FOCAD: variants seen among roughly 807,000 people sequenced by gnomAD.
FOCAD encodes the protein KIAA1797.
A neutral mutation model predicts 225.6 loss-of-function variants in FOCAD; 198 were observed. That is an observed-to-expected ratio of 0.88 (90% confidence interval 0.78 to 0.99). The LOEUF is 0.99. Ranked by LOEUF, FOCAD falls within the 50% of genes least tolerant of loss-of-function variation. FOCAD has a pLI of 0.00. For missense variants in FOCAD, 2,713 were observed against 2,123.6 expected, an observed-to-expected ratio of 1.28 and a Z score of -5.46; for synonymous variants, 897 against 755.0, an observed-to-expected ratio of 1.19 and a Z score of -3.08.
At chr9:20,985,932 G>C (rs1302796770) in intron 39 of FOCAD, among the ~76,000 whole-genome samples, 1 of 152,146 alleles carries the variant, frequency 6.6e-6, no homozygotes, top group Non-Finnish European at 1.5e-5. Flanking sequence ...ACCATACTTT[G>C]AAAACCACTG....
At chr9:20,865,060 GTTT>G (rs1029120338) in intron 16 of FOCAD, among the ~76,000 whole-genome samples, 5 of 152,040 alleles carry the variant, frequency 3.3e-5, no homozygotes, top group Admixed American at 6.6e-5. Flanking sequence ...CATATCCTTT[GTTT>G]TCGCATTATA....
intron 28 of FOCAD, among the ~76,000 whole-genome samples, chr9:20,934,387 G>A (rs977152215): frequency 3.3e-5 from 5 of 152,132 alleles, no homozygotes; most frequent in Admixed American, 2.0e-4. Context: ...TTTTGGATAA[G>A]GTGAGAGCTG....
chr9:20,845,807 G>T (rs754595599), intron 15 of FOCAD, among the ~76,000 whole-genome samples: 1 of 151,878 alleles, frequency 6.6e-6, no homozygotes, highest in Non-Finnish European at 1.5e-5. Flanking sequence ...GGAAAACATT[G>T]TTGACCATTG....
upstream of FOCAD, chr9:20,683,318 A>AT (rs1452266186): frequency 2.0e-5 from 3 of 152,080 alleles, 1 homozygote; most frequent in South Asian, 6.2e-4. Context: ...TTTTATTTTT[A>AT]TTTTTTCCTA....
At chr9:20,861,172 A>G (rs1828741228) in intron 15 of FOCAD, among the ~76,000 whole-genome samples, 1 of 152,202 alleles carries the variant, frequency 6.6e-6, no homozygotes, top group Non-Finnish European at 1.5e-5. Flanking sequence ...GTTTAAAGTC[A>G]TATCATATAC....
At chr9:20,717,001 T>C (rs758983167) in intron 2 of FOCAD, among the ~76,000 whole-genome samples, 1 of 152,228 alleles carries the variant, frequency 6.6e-6, no homozygotes, top group Non-Finnish European at 1.5e-5. Context: ...ATATGGTATG[T>C]TTTGTAAAAC....
chr9:20,977,970 T>A (rs2132599795), intron 36 of FOCAD, among the ~76,000 whole-genome samples: 1 of 152,320 alleles, frequency 6.6e-6, no homozygotes, highest in South Asian at 2.1e-4. Flanking sequence ...ATTCCACACC[T>A]TGATATATTT....
At chr9:20,670,767 G>C (rs1262345580) in intron 2 of FOCAD, among the ~76,000 whole-genome samples, 1 of 152,010 alleles carries the variant, frequency 6.6e-6, no homozygotes, top group Non-Finnish European at 1.5e-5. Context: ...ATTTGCCCAA[G>C]GTCACAGAGT....
chr9:20,820,777 T>A (rs1415675602), intron 13 of FOCAD, among the ~76,000 whole-genome samples, 164 bp from the exon 14 acceptor site: 1 of 152,098 alleles, frequency 6.6e-6, no homozygotes, highest in Non-Finnish European at 1.5e-5. Context: ...TATAAGAAAA[T>A]CCCCAGTAAT....
At chr9:20,749,876 G>GGATT (rs1453703502) in intron 5 of FOCAD, among the ~76,000 whole-genome samples, 1 of 152,004 alleles carries the variant, frequency 6.6e-6, no homozygotes, top group African/African-American at 2.4e-5. Context: ...ATTTCTATTA[G>GGATT]GATTGATGTG....
intron 15 of FOCAD, among the ~76,000 whole-genome samples, chr9:20,845,442 GAT>G (rs3086547): frequency 0.25 from 29,729 of 121,156 alleles, 3,917 homozygotes; most frequent in South Asian, 0.34. Context: ...TCTTTTCCTC[GAT>G]ATATATATAT....
At chr9:20,778,628 C>T (rs546491074) in intron 8 of FOCAD, 53 bp from the exon 9 acceptor site, 13 of 926,266 alleles carry the variant, frequency 1.4e-5, no homozygotes, top group African/African-American at 1.1e-4. Flanking sequence ...GTTACAAAGC[C>T]ATGATTCTGG....
intron 20 of FOCAD, among the ~76,000 whole-genome samples, chr9:20,884,762 A>G (rs577925975): frequency 1.1e-3 from 163 of 152,104 alleles, no homozygotes; most frequent in African/African-American, 3.7e-3. Context: ...AAGTTTTTCC[A>G]TAAGAAATGT....
intron 15 of FOCAD, among the ~76,000 whole-genome samples, chr9:20,861,652 A>T (rs1225159298): frequency 1.3e-5 from 2 of 152,158 alleles, no homozygotes; most frequent in African/African-American, 2.4e-5. Context: ...GACATTTTTC[A>T]TTTACTACCT....
intron 15 of FOCAD, among the ~76,000 whole-genome samples, chr9:20,843,229 G>T (rs559277762): frequency 6.6e-6 from 1 of 152,072 alleles, no homozygotes; most frequent in South Asian, 2.1e-4. Flanking sequence ...ATTTCCAAAT[G>T]CTCTCTAACA....
chr9:20,875,465 C>T (rs1238885850), intron 19 of FOCAD: 20 of 152,064 alleles, frequency 1.3e-4, no homozygotes, highest in Admixed American at 1.3e-3. Flanking sequence ...TGTGGTGGTG[C>T]ATGCTGTAGT....
upstream of FOCAD, chr9:20,683,340 G>C (rs556074004): frequency 6.6e-6 from 1 of 152,206 alleles, no homozygotes; most frequent in South Asian, 2.1e-4. Flanking sequence ...GGGTGCCCCA[G>C]GGTTTAGAAA....
At chr9:20,804,122 T>G (rs1196373973) in intron 11 of FOCAD, among the ~76,000 whole-genome samples, 1 of 152,112 alleles carries the variant, frequency 6.6e-6, no homozygotes, top group African/African-American at 2.4e-5. Flanking sequence ...GTTTCCACTT[T>G]AAATTTTTTT....
chr9:20,885,127 A>G lies in FOCAD; in HGVS notation c.2522A>G (p.Tyr841Cys), dbSNP rs146757351. The G allele has an allele frequency of 2.0e-5, 30 of 1,493,658 alleles. No homozygotes were observed. In the East Asian group the frequency reaches 2.7e-4, roughly 14 times the overall value. The allele number at this position is 1,493,658 out of a possible 1,614,324, so 92.5% of individuals were successfully genotyped here. ...TTTAAAGGTGGTATGTTATTTTGCT[A>G]TGATGTTTCCATGTATCAGAGTAAA... is the stretch of plus-strand genomic sequence containing the variant. ...PGLAGGMLFC[Y>C]DVSMYQSKDG... Residue 841 changes from tyrosine to cysteine, a missense_variant, in exon 21 of 44, where the codon TAT becomes TGT. By Grantham distance (194) the Tyr-to-Cys change is radical. Coordinates refer to ENST00000338382, the MANE Select transcript of FOCAD (RefSeq NM_001375567.1).
Sources: allele counts gnomAD v4.1 joint callset (sites outside exome capture counted in the v4.1 genomes callset), GRCh38; gene constraint gnomAD v4.1.1; transcripts MANE v1.5; gene names NCBI Gene and HGNC (gene_info 2026-07-23, HGNC 2026-07-21).